The following SNRK variants were observed in gnomAD, a reference collection of about 807,000 sequenced individuals.
The protein encoded by SNRK is SNF related kinase, also known as SNF-related serine/threonine-protein kinase.
A neutral mutation model predicts 48.2 loss-of-function variants in SNRK; 3 were observed. The observed-to-expected ratio is 0.06, with a 90% confidence interval of 0.03 to 0.16. The LOEUF is 0.16. Among genes scored for constraint, SNRK ranks in the 10% least tolerant of loss-of-function variants. SNRK has a pLI of 1.00. For synonymous variants in SNRK, 376 were observed against 366.1 expected, an observed-to-expected ratio of 1.03 and a Z score of -0.31; for missense variants, 627 against 976.0, an observed-to-expected ratio of 0.64 and a Z score of 4.76.
chr3:43,291,357 C>T (rs763740082), intron 1 of SNRK, among the ~76,000 whole-genome samples: 4 of 152,092 alleles, frequency 2.6e-5, no homozygotes, highest in South Asian at 2.1e-4. Context: ...TATCTGTTCC[C>T]GTAAGAGACT....
chr3:43,324,047 A>T (rs1006920649), intron 3 of SNRK, among the ~76,000 whole-genome samples: 3 of 152,214 alleles, frequency 2.0e-5, no homozygotes, highest in Non-Finnish European at 4.4e-5. Flanking sequence ...GCACCCTAAA[A>T]ATGGTGAATT....
At chr3:43,305,035 G>A (rs1408217773) in intron 3 of SNRK, among the ~76,000 whole-genome samples, 1 of 152,070 alleles carries the variant, frequency 6.6e-6, no homozygotes, top group Admixed American at 6.5e-5. Flanking sequence ...ACCCTCATTA[G>A]TGCAGATTTA....
chr3:43,317,374 G>C (rs895316337), intron 3 of SNRK, among the ~76,000 whole-genome samples: 1 of 152,182 alleles, frequency 6.6e-6, no homozygotes, highest in Non-Finnish European at 1.5e-5. Context: ...ATTGCAGTGG[G>C]GAGCAGCTGT....
At chr3:43,297,975 A>G (rs896874207) in intron 1 of SNRK, among the ~76,000 whole-genome samples, 2 of 152,108 alleles carry the variant, frequency 1.3e-5, no homozygotes, top group Non-Finnish European at 2.9e-5. Flanking sequence ...ATTCGCTTGA[A>G]GTAGGGTCAG....
intron 2 of SNRK, among the ~76,000 whole-genome samples, chr3:43,300,122 T>C (rs144354758): frequency 8.5e-5 from 13 of 152,312 alleles, no homozygotes; most frequent in African/African-American, 3.1e-4. Context: ...GGTGCTCATA[T>C]AAAAAGTAAA....
At chr3:43,295,427 A>T (rs2090845400) in intron 1 of SNRK, among the ~76,000 whole-genome samples, 1 of 152,242 alleles carries the variant, frequency 6.6e-6, no homozygotes, top group Non-Finnish European at 1.5e-5. Flanking sequence ...CGAAGAACAT[A>T]CTTTAGTAAG....
chr3:43,298,883 AT>A (rs2090877672), intron 1 of SNRK, among the ~76,000 whole-genome samples: 1 of 152,148 alleles, frequency 6.6e-6, no homozygotes, highest in African/African-American at 2.4e-5. Flanking sequence ...GCTTTGTGTG[AT>A]CCCTAATGCT....
chr3:43,302,754 G>A (rs1013125433), intron 2 of SNRK, among the ~76,000 whole-genome samples: 13 of 151,632 alleles, frequency 8.6e-5, no homozygotes, highest in Non-Finnish European at 1.5e-4. Context: ...CAACTGTTGC[G>A]TTATTTTTTA....
chr3:43,296,789 G>A (rs1407668390), intron 1 of SNRK, among the ~76,000 whole-genome samples: 14 of 152,172 alleles, frequency 9.2e-5, no homozygotes, highest in Non-Finnish European at 1.8e-4. Flanking sequence ...ATTCCAAATT[G>A]ATAGTAGGTT....
intron 3 of SNRK, among the ~76,000 whole-genome samples, chr3:43,306,097 C>T (rs1360564187): frequency 6.6e-6 from 1 of 152,116 alleles, no homozygotes; most frequent in Non-Finnish European, 1.5e-5. Flanking sequence ...GTTCACCAGT[C>T]TGATAAATGA....
At chr3:43,340,683 GT>G in intron 5 of SNRK, 184 bp downstream of exon 5, 2 of 599,788 alleles carry the variant, frequency 3.3e-6, no homozygotes, top group Non-Finnish European at 5.8e-6. Flanking sequence ...TGGTGTTTTG[GT>G]TTTTATGCTA....
At chr3:43,298,838 T>C (rs1248131554) in intron 1 of SNRK, among the ~76,000 whole-genome samples, 1 of 152,246 alleles carries the variant, frequency 6.6e-6, no homozygotes, top group Non-Finnish European at 1.5e-5. Flanking sequence ...AGTTTCTTTG[T>C]TACTATCAAG....
In SNRK at chr3:43,347,192, T is replaced by C; in HGVS notation, c.1080-147T>C. 1 of 809,730 alleles carries C rather than the reference T, an allele frequency of 1.2e-6. No homozygotes were observed. Among genetic ancestry groups the C allele is most frequent in the Non-Finnish European group, 1.9e-6 (1 of 535,000 alleles). The allele number at this position is 809,730 out of a possible 1,614,324, so 50.2% of individuals were successfully genotyped here. ...GCCCTTCTGGTGGCCTTGCTGATGT[T>C]TACAGGATGTTGAATGGGTTTGCAA... On this transcript the variant is annotated intron_variant, in intron 6 of 6. Transcript: ENST00000296088. This position sits in a 1 kb window ranked among gnomAD's most constrained non-coding sequence, Gnocchi z 5.4.
At chr3:43,329,089 G>A (rs545410539) in intron 3 of SNRK, among the ~76,000 whole-genome samples, 25 of 152,158 alleles carry the variant, frequency 1.6e-4, no homozygotes, top group Non-Finnish European at 2.5e-4. Flanking sequence ...GGTTAAAGTC[G>A]TAGCGCTCTG....
intron 1 of SNRK, among the ~76,000 whole-genome samples, chr3:43,290,733 C>T (rs1249759393): frequency 6.6e-6 from 1 of 152,232 alleles, no homozygotes; most frequent in Non-Finnish European, 1.5e-5. Flanking sequence ...TTCTCCTGCT[C>T]AGGATTTTTC....
rs770723198 is a variant in SNRK at position 43,347,941 on chromosome 3, CCTA to C, written c.1685_1687del (p.Tyr562del). The C allele has an allele frequency of 6.2e-7, 1 of 1,614,102 alleles. No individual in the cohort carries two copies. On this transcript the variant is annotated inframe_deletion, in exon 7 of 7. Coordinates refer to ENST00000296088, the MANE Select transcript of SNRK (RefSeq NM_017719.5). The surrounding 1 kb of genome is among the most constrained non-coding windows in gnomAD (Gnocchi z 5.4). ...CGGCTCGATAAAGATAGCGGGTTCA[CCTA>C]CTCCTGGCACCGACGGGATAGCAGC...
At chr3:43,346,382 G>A (rs2091276266) in intron 6 of SNRK, among the ~76,000 whole-genome samples, 1 of 152,132 alleles carries the variant, frequency 6.6e-6, no homozygotes, top group Admixed American at 6.5e-5. Flanking sequence ...TACCCCCCTG[G>A]GGAGAGAGGA....
intron 3 of SNRK, among the ~76,000 whole-genome samples, chr3:43,319,266 T>C (rs1236436052): frequency 6.6e-6 from 1 of 152,188 alleles, no homozygotes; most frequent in Non-Finnish European, 1.5e-5. Flanking sequence ...CAGTGCCTAA[T>C]TTAATATTTT....
At chr3:43,299,467 C>T (rs1186969177) in intron 1 of SNRK, among the ~76,000 whole-genome samples, 6 of 152,176 alleles carry the variant, frequency 3.9e-5, no homozygotes, top group African/African-American at 9.6e-5. Context: ...TGAGCCACCG[C>T]ACCCGGCCTT....
Sources: allele counts gnomAD v4.1 joint callset (sites outside exome capture counted in the v4.1 genomes callset), GRCh38; gene constraint gnomAD v4.1.1; non-coding constraint Gnocchi (gnomAD v3.1); transcripts MANE v1.5; gene names NCBI Gene and HGNC (gene_info 2026-07-23, HGNC 2026-07-21).